EVI5: variants seen among roughly 807,000 people sequenced by gnomAD.
EVI5 encodes ecotropic viral integration site 5.
EVI5 carries 73 observed loss-of-function variants against 112.0 expected under a neutral mutation model. That is an observed-to-expected ratio of 0.65 (90% CI 0.54 to 0.79). The LOEUF is 0.79. Among genes scored for constraint, EVI5 ranks in the 30% least tolerant of loss-of-function variants. The pLI, the probability that EVI5 is intolerant of heterozygous loss-of-function variation, is 0.00. For missense variants in EVI5, 900 were observed against 968.8 expected (o/e 0.93, Z 0.94); for synonymous variants, 305 against 319.9 (o/e 0.95, Z 0.50).
chr1:92,712,237 G>C (rs1338668238), intron 2 of EVI5, among the ~76,000 whole-genome samples: 3 of 152,080 alleles, frequency 2.0e-5, no homozygotes, highest in Non-Finnish European at 2.9e-5. Flanking sequence ...GTAACAATGA[G>C]AGAATTCAGA....
At chr1:92,776,097 G>T (rs1319358749) in intron 1 of EVI5, among the ~76,000 whole-genome samples, 1 of 140,826 alleles carries the variant, frequency 7.1e-6, no homozygotes, top group African/African-American at 2.7e-5. Flanking sequence ...GACAGAGCAA[G>T]ACTCCATCTC....
chr1:92,591,544 T>C (rs1028555645), intron 18 of EVI5, among the ~76,000 whole-genome samples: 34 of 152,204 alleles, frequency 2.2e-4, no homozygotes, highest in African/African-American at 6.5e-4. Flanking sequence ...AAGGGATCAA[T>C]TCAACAAGAA....
chr1:92,687,452 G>A (rs1668745327), intron 9 of EVI5, among the ~76,000 whole-genome samples: 1 of 152,122 alleles, frequency 6.6e-6, no homozygotes. Flanking sequence ...AGAAAACCTA[G>A]GCAGTACCAT....
chr1:92,584,540 T>C (rs1672480765), intron 18 of EVI5, among the ~76,000 whole-genome samples: 2 of 152,224 alleles, frequency 1.3e-5, no homozygotes, highest in South Asian at 2.1e-4. Flanking sequence ...TAGGCTTTAG[T>C]AGGTTATTAC....
chr1:92,544,095 T>C (rs2100661236), intron 19 of EVI5, among the ~76,000 whole-genome samples: 1 of 152,340 alleles, frequency 6.6e-6, no homozygotes, highest in Middle Eastern at 3.4e-3. Flanking sequence ...GTTCTATGAT[T>C]CCATTTATAT....
At chr1:92,576,376 ATT>A (rs1361402709) in intron 18 of EVI5, among the ~76,000 whole-genome samples, 1 of 152,072 alleles carries the variant, frequency 6.6e-6, no homozygotes. Flanking sequence ...TAATTTTTAA[ATT>A]TTTTGCCTCT....
intron 1 of EVI5, among the ~76,000 whole-genome samples, chr1:92,776,024 C>T (rs932826274): frequency 2.0e-5 from 3 of 150,454 alleles, no homozygotes; most frequent in Admixed American, 6.7e-5. Flanking sequence ...AGGAGAATGG[C>T]GTGAACCCGG....
At chr1:92,680,828 G>C (rs78690421) in intron 9 of EVI5, among the ~76,000 whole-genome samples, 3,967 of 152,094 alleles carry the variant, frequency 0.026, 149 homozygotes, top group African/African-American at 0.081. Context: ...GGAAATCCCA[G>C]AAAAACTCAG....
chr1:92,786,190 T>A (rs145459322), upstream of EVI5, among the ~76,000 whole-genome samples: 389 of 148,496 alleles, frequency 2.6e-3, 3 homozygotes, highest in African/African-American at 9.2e-3. Flanking sequence ...TTTAAATTTA[T>A]AAGACAGAAT....
At chr1:92,743,324 G>A (rs1189052612) in intron 1 of EVI5, among the ~76,000 whole-genome samples, 4 of 152,034 alleles carry the variant, frequency 2.6e-5, no homozygotes, top group African/African-American at 9.7e-5. Context: ...CTGCACTCCA[G>A]CCTGGCGACA....
At chr1:92,787,854 T>C (rs1007251057), upstream of EVI5, among the ~76,000 whole-genome samples, 1 of 152,226 alleles carries the variant, frequency 6.6e-6, no homozygotes, top group Non-Finnish European at 1.5e-5. Flanking sequence ...CTTTTTTATC[T>C]TAAAGTATGT....
intron 19 of EVI5, among the ~76,000 whole-genome samples, chr1:92,527,337 C>A (rs1003686601): frequency 6.8e-6 from 1 of 147,262 alleles, no homozygotes; most frequent in African/African-American, 2.5e-5. Flanking sequence ...CTCGGTTGAA[C>A]CTGGGAGGTG....
chr1:92,628,077 C>T lies in EVI5; in HGVS notation c.1528-2143G>A, dbSNP rs1266612938. On this transcript the variant is annotated intron_variant, in intron 14 of 19. Transcript: ENST00000684568. ...GGCTGGGATTACAGGCGTGAGCCAC[C>T]GCACCCAGCCGATGTTTAGTACATT... Among the ~76,000 whole-genome samples the T allele has an allele frequency of 3.9e-5, 6 of 152,266 alleles. No homozygotes were observed. The East Asian group carries it at 7.7e-4, about 20-fold the overall frequency.
At chr1:92,540,108 G>C (rs1213425266) in intron 19 of EVI5, among the ~76,000 whole-genome samples, 1 of 152,038 alleles carries the variant, frequency 6.6e-6, no homozygotes, top group Non-Finnish European at 1.5e-5. Context: ...CATCTGAGTT[G>C]TTTCTACTCT....
intron 18 of EVI5, among the ~76,000 whole-genome samples, chr1:92,571,227 C>T (rs1331956327): frequency 1.4e-5 from 2 of 146,794 alleles, no homozygotes; most frequent in Admixed American, 6.9e-5. Flanking sequence ...CTAAGGCACA[C>T]TAGATAAACT....
intron 1 of EVI5, among the ~76,000 whole-genome samples, chr1:92,779,635 G>C (rs1015200055): frequency 3.3e-5 from 5 of 152,154 alleles, no homozygotes; most frequent in African/African-American, 1.2e-4. Flanking sequence ...AGTAGAGGAG[G>C]CTGAACCTAC....
intron 18 of EVI5, among the ~76,000 whole-genome samples, chr1:92,602,306 A>G (rs1649343072): frequency 6.6e-6 from 1 of 152,244 alleles, no homozygotes; most frequent in South Asian, 2.1e-4. Flanking sequence ...GATTTTAAAC[A>G]TAGTATTTTG....
chr1:92,682,902 T>A (rs1339261594), intron 9 of EVI5, among the ~76,000 whole-genome samples: 1 of 152,240 alleles, frequency 6.6e-6, no homozygotes, highest in Non-Finnish European at 1.5e-5. Flanking sequence ...ATATACATTT[T>A]AAAGACTTCT....
intron 16 of EVI5, among the ~76,000 whole-genome samples, chr1:92,623,226 T>G (rs1319343939): frequency 1.3e-5 from 2 of 152,188 alleles, no homozygotes; most frequent in Non-Finnish European, 2.9e-5. Context: ...GTGTGGAAAG[T>G]ATTTTATATA....
Sources: gnomAD v4.1 joint callset for allele counts (sites outside exome capture counted in the v4.1 genomes callset) on GRCh38, gnomAD v4.1.1 for gene constraint, MANE v1.5 for transcripts, NCBI Gene and HGNC (gene_info 2026-07-23, HGNC 2026-07-21) for gene names.